The following GRM7 variants were observed in gnomAD, a reference collection of about 807,000 sequenced individuals.
GRM7 encodes metabotropic glutamate receptor 7.
In GRM7, 35 loss-of-function variants were observed where a neutral mutation model predicts 84.5. The ratio of observed to expected loss-of-function variants is 0.41; its 90% CI spans 0.32 to 0.55. The LOEUF (loss-of-function observed/expected upper bound fraction) is 0.55. Among genes scored for constraint, GRM7 ranks in the 20% least tolerant of loss-of-function variants. The pLI is 0.19. For synonymous variants in GRM7, 487 were observed against 455.1 expected (o/e 1.07, Z -0.89); for missense variants, 1,003 against 1,194.6 (o/e 0.84, Z 2.36).
intron 4 of GRM7, among the ~76,000 whole-genome samples, chr3:7,352,500 C>T (rs1693205418): frequency 6.6e-6 from 1 of 152,064 alleles, no homozygotes; most frequent in South Asian, 2.1e-4. Flanking sequence ...AGACGAGTCT[C>T]TGCTCCTGTA....
chr3:7,728,842 C>T (rs1028881195), intron 9 of GRM7, among the ~76,000 whole-genome samples: 2 of 152,190 alleles, frequency 1.3e-5, no homozygotes, highest in South Asian at 4.1e-4. Flanking sequence ...GTGAAAGCAG[C>T]GGCATCTCTA....
At chr3:7,330,580 TGTG>T (rs1701166302) in intron 4 of GRM7, among the ~76,000 whole-genome samples, 1 of 152,166 alleles carries the variant, frequency 6.6e-6, no homozygotes, top group Non-Finnish European at 1.5e-5. Flanking sequence ...ATACTGTTCT[TGTG>T]GTAGTGAATA....
intron 2 of GRM7, among the ~76,000 whole-genome samples, chr3:7,190,533 C>A (rs965726259): frequency 2.6e-5 from 4 of 152,014 alleles, no homozygotes; most frequent in South Asian, 2.1e-4. Flanking sequence ...AAATCTTGAT[C>A]TTTTCTTCTT....
chr3:6,877,613 T>C (rs1347639228), intron 1 of GRM7, among the ~76,000 whole-genome samples: 2 of 152,164 alleles, frequency 1.3e-5, no homozygotes, highest in East Asian at 3.9e-4. Context: ...CCAGTGGTTT[T>C]TCAAATTCGC....
chr3:7,224,145 A>G (rs1464427113), intron 2 of GRM7, among the ~76,000 whole-genome samples: 3 of 152,060 alleles, frequency 2.0e-5, no homozygotes, highest in African/African-American at 7.2e-5. Context: ...GGTTTATTTG[A>G]CTCACAGTTC....
chr3:6,925,738 C>G (rs564410209), intron 1 of GRM7, among the ~76,000 whole-genome samples: 2 of 152,276 alleles, frequency 1.3e-5, no homozygotes, highest in African/African-American at 4.8e-5. Flanking sequence ...GAAGTCCTTC[C>G]TTATATCTGC....
At chr3:7,509,346 G>A (rs1177727112) in intron 7 of GRM7, among the ~76,000 whole-genome samples, 2 of 151,998 alleles carry the variant, frequency 1.3e-5, no homozygotes, top group Non-Finnish European at 2.9e-5. Context: ...TTCATCTTAG[G>A]TATTCACATA....
chr3:7,360,713 G>C (rs181656094), intron 4 of GRM7, among the ~76,000 whole-genome samples: 5 of 152,234 alleles, frequency 3.3e-5, no homozygotes, highest in African/African-American at 1.2e-4. Context: ...AAGGTTTCCT[G>C]TTGGGACACA....
At chr3:7,207,350 G>A (rs1696274378) in intron 2 of GRM7, among the ~76,000 whole-genome samples, 1 of 152,160 alleles carries the variant, frequency 6.6e-6, no homozygotes, top group Admixed American at 6.5e-5. Context: ...TGGCCCGGAT[G>A]CCTCTCAAAA....
At chr3:7,070,907 G>C (rs1697854895) in intron 1 of GRM7, among the ~76,000 whole-genome samples, 1 of 152,044 alleles carries the variant, frequency 6.6e-6, no homozygotes, top group Non-Finnish European at 1.5e-5. Context: ...TGGTCAACTG[G>C]TTCAACTTCA....
intron 1 of GRM7, among the ~76,000 whole-genome samples, chr3:7,082,051 T>C (rs1698291511): frequency 6.6e-6 from 1 of 152,126 alleles, no homozygotes; most frequent in Non-Finnish European, 1.5e-5. Context: ...AGCAGCAATT[T>C]ATCCAGAAAA....
At chr3:7,162,780 G>A (rs1165593420) in intron 2 of GRM7, among the ~76,000 whole-genome samples, 1 of 43,220 alleles carries the variant, frequency 2.3e-5, no homozygotes, top group Non-Finnish European at 5.1e-5. Flanking sequence ...TTTTTTTTGA[G>A]ATGGAGTCTC....
chr3:7,159,777 T>C (rs184817623), intron 2 of GRM7, among the ~76,000 whole-genome samples: 4 of 152,304 alleles, frequency 2.6e-5, no homozygotes, highest in East Asian at 1.9e-4. Flanking sequence ...ATGTCTAGTC[T>C]GGTACCTTTA....
intron 2 of GRM7, among the ~76,000 whole-genome samples, chr3:7,258,347 T>G (rs1698285654): frequency 6.6e-6 from 1 of 152,014 alleles, no homozygotes; most frequent in Non-Finnish European, 1.5e-5. Flanking sequence ...GTGATCAAGT[T>G]GAGAAAGTAG....
At chr3:7,149,433 C>T (rs2125068676) in intron 2 of GRM7, among the ~76,000 whole-genome samples, 1 of 152,196 alleles carries the variant, frequency 6.6e-6, no homozygotes, top group South Asian at 2.1e-4. Context: ...ATTCTCATTC[C>T]AAAACAATAA....
chr3:7,406,639 A>T (rs1365312057), intron 4 of GRM7, among the ~76,000 whole-genome samples: 2 of 152,208 alleles, frequency 1.3e-5, no homozygotes, highest in African/African-American at 4.8e-5. Context: ...TTTTGTTGTG[A>T]TGGGGCATTT....
intron 8 of GRM7, among the ~76,000 whole-genome samples, chr3:7,671,049 A>G (rs930042242): frequency 6.6e-6 from 1 of 152,188 alleles, no homozygotes; most frequent in African/African-American, 2.4e-5. Context: ...AGATAACACA[A>G]CAGGGCAAAT....
intron 1 of GRM7, among the ~76,000 whole-genome samples, chr3:7,119,629 G>C (rs17234935): frequency 0.23 from 34,266 of 151,956 alleles, 4,070 homozygotes; most frequent in Non-Finnish European, 0.26. Context: ...TCATAATCTA[G>C]GACTGGATAT....
At chr3:7,337,608 A>G (rs190219162) in intron 4 of GRM7, among the ~76,000 whole-genome samples, 11 of 152,114 alleles carry the variant, frequency 7.2e-5, no homozygotes, top group African/African-American at 2.4e-4. Flanking sequence ...ACATGAACAG[A>G]CAATTCTCAA....
Sources: allele counts gnomAD v4.1 joint callset (sites outside exome capture counted in the v4.1 genomes callset), GRCh38; gene constraint gnomAD v4.1.1; transcripts MANE v1.5; gene names NCBI Gene and HGNC (gene_info 2026-07-23, HGNC 2026-07-21).